The following NAV2 variants were observed in gnomAD, a reference collection of about 807,000 sequenced individuals.
The protein encoded by NAV2 is neuron navigator 2.
Under a neutral mutation model 223.2 loss-of-function variants are expected in NAV2, and 54 were observed. That is an observed-to-expected ratio of 0.24 (90% confidence interval 0.19 to 0.30). NAV2 has a LOEUF of 0.30. Among genes scored for constraint, NAV2 ranks in the 10% least tolerant of loss-of-function variants. The pLI, the probability that NAV2 is intolerant of heterozygous loss-of-function variation, is 1.00. For synonymous variants in NAV2, 1,279 were observed against 1,239.3 expected, an observed-to-expected ratio of 1.03 and a Z score of -0.67; for missense variants, 2,806 against 3,147.5, an observed-to-expected ratio of 0.89 and a Z score of 2.60.
At chr11:19,769,919 T>A (rs1300109118) in intron 1 of NAV2, among the ~76,000 whole-genome samples, 2 of 152,078 alleles carry the variant, frequency 1.3e-5, no homozygotes, top group Non-Finnish European at 2.9e-5. Flanking sequence ...ACACTGCTTC[T>A]TAAATTGCTA....
At chr11:20,046,870 T>G (rs1384346105) in intron 14 of NAV2, among the ~76,000 whole-genome samples, 1 of 152,170 alleles carries the variant, frequency 6.6e-6, no homozygotes, top group Admixed American at 6.5e-5. Context: ...TCCCAGGAAA[T>G]TTCTTATCAT....
chr11:19,560,711 T>C (rs1193775039), intron 1 of NAV2, among the ~76,000 whole-genome samples: 3 of 152,242 alleles, frequency 2.0e-5, no homozygotes, highest in Non-Finnish European at 2.9e-5. Flanking sequence ...GGTAAGCTAC[T>C]CCATCTTTCT....
chr11:20,109,810 C>T (rs1041516204), intron 36 of NAV2, among the ~76,000 whole-genome samples: 2 of 152,230 alleles, frequency 1.3e-5, no homozygotes, highest in African/African-American at 4.8e-5. Flanking sequence ...CTGGGAAGAA[C>T]TCACGGGCTC....
intron 37 of NAV2, among the ~76,000 whole-genome samples, chr11:20,116,269 AT>A (rs1393285271): frequency 1.3e-5 from 2 of 152,234 alleles, no homozygotes; most frequent in African/African-American, 4.8e-5. Context: ...GATTAAAAAA[AT>A]AATAATAATA....
At chr11:19,561,559 C>A (rs1047939178) in intron 1 of NAV2, among the ~76,000 whole-genome samples, 1 of 152,120 alleles carries the variant, frequency 6.6e-6, no homozygotes, top group South Asian at 2.1e-4. Context: ...GTGTAAGCAC[C>A]TATTATTACT....
intron 8 of NAV2, among the ~76,000 whole-genome samples, chr11:19,941,101 C>G (rs944203456): frequency 6.6e-6 from 1 of 152,142 alleles, no homozygotes; most frequent in South Asian, 2.1e-4. Flanking sequence ...TGAGTCTCAG[C>G]AAAATCCACA....
chr11:19,644,149 G>T (rs1440119847), intron 1 of NAV2, among the ~76,000 whole-genome samples: 1 of 152,208 alleles, frequency 6.6e-6, no homozygotes, highest in Admixed American at 6.5e-5. Flanking sequence ...TATGTACACA[G>T]CAGAAGCATG....
At chr11:19,398,370 A>G (rs1849550564) in intron 1 of NAV2, among the ~76,000 whole-genome samples, 1 of 152,100 alleles carries the variant, frequency 6.6e-6, no homozygotes, top group Admixed American at 6.5e-5. Context: ...CCTTGATCCA[A>G]TCACCTCCCA....
intron 1 of NAV2, among the ~76,000 whole-genome samples, chr11:19,483,581 T>A (rs2042346501): frequency 6.6e-6 from 1 of 152,190 alleles, no homozygotes; most frequent in Non-Finnish European, 1.5e-5. Context: ...ATGCTGAGGT[T>A]GCTAAGAAGG....
chr11:19,633,333 A>G (rs942966903), intron 1 of NAV2, among the ~76,000 whole-genome samples: 3 of 152,226 alleles, frequency 2.0e-5, no homozygotes, highest in African/African-American at 4.8e-5. Context: ...GTCTCCCCAG[A>G]CAGAGAGGGA....
chr11:19,929,758 C>G (rs1450061266), intron 6 of NAV2, among the ~76,000 whole-genome samples: 1 of 152,130 alleles, frequency 6.6e-6, no homozygotes, highest in Non-Finnish European at 1.5e-5. Flanking sequence ...CAAAATTACC[C>G]ACCAGCAATT....
intron 26 of NAV2, among the ~76,000 whole-genome samples, chr11:20,083,717 A>T (rs1484437258): frequency 2.0e-5 from 3 of 152,166 alleles, no homozygotes; most frequent in African/African-American, 7.2e-5. Flanking sequence ...AGCCACTGAG[A>T]TAGGGTTAGA....
chr11:19,666,980 T>A (rs150334321), intron 1 of NAV2, among the ~76,000 whole-genome samples: 128 of 152,254 alleles, frequency 8.4e-4, no homozygotes, highest in African/African-American at 3.0e-3. Context: ...CCCACTTGAT[T>A]TAAATGCCGC....
chr11:19,524,823 A>G (rs2043794306), intron 1 of NAV2, among the ~76,000 whole-genome samples: 1 of 152,184 alleles, frequency 6.6e-6, no homozygotes, highest in African/African-American at 2.4e-5. Flanking sequence ...AATTCTTTAC[A>G]AGCTTCTAGG....
At chr11:19,514,199 G>A (rs1343084326) in intron 1 of NAV2, among the ~76,000 whole-genome samples, 1 of 152,126 alleles carries the variant, frequency 6.6e-6, no homozygotes, top group Non-Finnish European at 1.5e-5. Context: ...CTTTTGTGCA[G>A]CTCTTCTCTA....
chr11:19,965,732 C>G (rs1448403584), intron 10 of NAV2, among the ~76,000 whole-genome samples: 2 of 152,218 alleles, frequency 1.3e-5, no homozygotes, highest in Middle Eastern at 3.2e-3. Flanking sequence ...TTCTGTACAA[C>G]AAATTACTCC....
chr11:19,401,811 G>A (rs2702671), intron 1 of NAV2: 52,685 of 151,914 alleles, frequency 0.35, 9,415 homozygotes, highest in South Asian at 0.46. Flanking sequence ...ACTCCTTTGG[G>A]GCCACAGACC....
intron 28 of NAV2, 36 bp from the exon 29 acceptor site, chr11:20,093,063 C>A: frequency 6.5e-7 from 1 of 1,544,524 alleles, no homozygotes; most frequent in African/African-American, 1.4e-5. Context: ...TTGCTGTCCC[C>A]ATGTGCCTAA....
intron 11 of NAV2, among the ~76,000 whole-genome samples, chr11:19,992,178 G>C (rs1754670589): frequency 6.6e-6 from 1 of 152,220 alleles, no homozygotes. Context: ...CATAAAAGGA[G>C]CCTTAGAGGC....
Sources: gnomAD v4.1 joint callset for allele counts (sites outside exome capture counted in the v4.1 genomes callset) on GRCh38, gnomAD v4.1.1 for gene constraint, MANE v1.5 for transcripts, NCBI Gene and HGNC (gene_info 2026-07-23, HGNC 2026-07-21) for gene names.